The following GPD2 variants were observed in gnomAD, a reference collection of about 807,000 sequenced individuals.
GPD2 encodes glycerol-3-phosphate dehydrogenase, mitochondrial.
Under a neutral mutation model 82.4 loss-of-function variants are expected in GPD2, and 54 were observed. The ratio of observed to expected loss-of-function variants is 0.66; its 90% CI spans 0.53 to 0.82. The LOEUF (loss-of-function observed/expected upper bound fraction) is 0.82, where lower values mean the gene tolerates loss of function less well. Among genes scored for constraint, GPD2 ranks in the 40% least tolerant of loss-of-function variants. The pLI is 0.00. For missense variants in GPD2, 748 were observed against 896.2 expected (o/e 0.83, Z 2.11); for synonymous variants, 288 against 306.1 (o/e 0.94, Z 0.62).
rs1169022778 is a variant in GPD2 at position 156,549,598 on chromosome 2, C to A, written c.662-10C>A. On this transcript the variant is annotated splice_polypyrimidine_tract_variant and intron_variant, in intron 6 of 16. Transcript: ENST00000438166. ...CTCCTCTCCCTCCCCTGATGCTTTC[C>A]CCGCTGCAGGACAACATAACGATGC... is the stretch of plus-strand genomic sequence containing the variant. 4.3e-6 allele frequency: 7 copies of A among 1,613,624 alleles called. No individual in the cohort carries two copies. In the African/African-American group the frequency reaches 8.0e-5, roughly 18 times the overall value.
chr2:156,537,277 T>A (rs1173619176), intron 6 of GPD2, among the ~76,000 whole-genome samples: 1 of 152,204 alleles, frequency 6.6e-6, no homozygotes, highest in African/African-American at 2.4e-5. Context: ...ACCCTGCAGG[T>A]TGAATGCTGT....
chr2:156,407,737 A>G, the GPD2 span, among the ~76,000 whole-genome samples: 70 of 152,142 alleles, frequency 4.6e-4, no homozygotes, highest in African/African-American at 1.7e-3. Flanking sequence ...AATGAATGCC[A>G]TTTTGTTCAT....
intron 1 of GPD2, among the ~76,000 whole-genome samples, chr2:156,437,564 A>T (rs1681985934): frequency 6.6e-6 from 1 of 152,220 alleles, no homozygotes; most frequent in African/African-American, 2.4e-5. Flanking sequence ...ATGTCAAATT[A>T]CAACACTCCC....
chr2:156,525,501 G>A (rs1685573596), intron 6 of GPD2, among the ~76,000 whole-genome samples: 1 of 152,068 alleles, frequency 6.6e-6, no homozygotes, highest in Admixed American at 6.6e-5. Context: ...TTATTTCTAG[G>A]CCTTTCAATA....
chr2:156,465,010 C>T (rs895215325), intron 1 of GPD2, among the ~76,000 whole-genome samples: 1 of 152,098 alleles, frequency 6.6e-6, no homozygotes, highest in African/African-American at 2.4e-5. Flanking sequence ...ATCACAACGC[C>T]TGGCTAATTT....
intron 1 of GPD2, among the ~76,000 whole-genome samples, chr2:156,446,136 G>T (rs1192206520): frequency 6.6e-6 from 1 of 151,970 alleles, no homozygotes; most frequent in Non-Finnish European, 1.5e-5. Context: ...TCGCTCTGTT[G>T]CCCAGGTTGA....
rs139981174 is a variant in GPD2 at position 156,553,241 on chromosome 2, T to C, written c.971+2495T>C. Among the ~76,000 whole-genome samples, 50 of 152,236 alleles carry C rather than the reference T, an allele frequency of 3.3e-4. 1 individual carries two copies. The highest frequency in any genetic ancestry group is 1.1e-3 in the African/African-American group (45 of 41,542). On this transcript the variant is annotated intron_variant, in intron 8 of 16. Transcript: ENST00000438166. ...ATAAGGTTTGACAATGATCCTTGGA[T>C]TATTTTTTCTCTGTTTTATAGAGTG...
At chr2:156,431,751 A>G (rs969804529), upstream of GPD2, among the ~76,000 whole-genome samples, 7 of 152,186 alleles carry the variant, frequency 4.6e-5, no homozygotes, top group Non-Finnish European at 1.0e-4. Context: ...AGAATTGTCA[A>G]AAAAGGCTTT....
intron 3 of GPD2, among the ~76,000 whole-genome samples, chr2:156,499,648 T>A (rs159514): frequency 0.65 from 98,251 of 151,942 alleles, 32,485 homozygotes; most frequent in Middle Eastern, 0.81. Flanking sequence ...TGCAGTGTGT[T>A]TCTTTCAAAT....
chr2:156,405,629 G>A, the GPD2 span, among the ~76,000 whole-genome samples: 1 of 152,090 alleles, frequency 6.6e-6, no homozygotes, highest in African/African-American at 2.4e-5. Flanking sequence ...GTTTCACATC[G>A]GGAATGCTGT....
intron 1 of GPD2, among the ~76,000 whole-genome samples, chr2:156,460,781 G>A (rs1682961827): frequency 6.6e-6 from 1 of 152,218 alleles, no homozygotes; most frequent in African/African-American, 2.4e-5. Flanking sequence ...GTTAGACTGA[G>A]TGAGATGAAC....
chr2:156,582,956 C>A lies in GPD2; in HGVS notation c.*38C>A, dbSNP rs192871271. 4.3e-3 allele frequency: 6,881 copies of A among 1,607,568 alleles called. 20 individuals carry two copies. Among genetic ancestry groups the A allele is most frequent in the Non-Finnish European group, 5.4e-3 (6,339 of 1,174,778 alleles). On this transcript the variant is annotated 3_prime_UTR_variant, in exon 17 of 17. Transcript: ENST00000438166. The stretch of plus-strand genomic sequence containing the variant: ...AATCCACAGCCAACAAACATAGAAA[C>A]GACAAATCACCATGTAACAACCAGA...
chr2:156,420,066 G>A, the GPD2 span, among the ~76,000 whole-genome samples: 1 of 152,170 alleles, frequency 6.6e-6, no homozygotes, highest in Non-Finnish European at 1.5e-5. Context: ...ACTACTTAAT[G>A]AAATATTTGG....
At chr2:156,575,651 CT>C (rs1687794268) in intron 13 of GPD2, among the ~76,000 whole-genome samples, 1 of 152,020 alleles carries the variant, frequency 6.6e-6, no homozygotes, top group Non-Finnish European at 1.5e-5. Flanking sequence ...TGCGATCCAC[CT>C]GCCTCAGCCT....
intron 6 of GPD2, 126 bp downstream of exon 6, chr2:156,513,622 C>A: frequency 1.3e-6 from 1 of 748,800 alleles, no homozygotes; most frequent in Non-Finnish European, 2.3e-6. Flanking sequence ...CACAAACACA[C>A]GTGCACGCAC....
At chr2:156,503,611 A>AT (rs1453552908) in intron 3 of GPD2, among the ~76,000 whole-genome samples, 2 of 152,174 alleles carry the variant, frequency 1.3e-5, no homozygotes, top group African/African-American at 4.8e-5. Context: ...ATGTATAAGT[A>AT]TTTACAGGGA....
intron 1 of GPD2, among the ~76,000 whole-genome samples, chr2:156,452,536 A>AGAGAGG (rs964420729): frequency 2.6e-5 from 4 of 152,206 alleles, no homozygotes; most frequent in Non-Finnish European, 5.9e-5. Context: ...GACCATGGAA[A>AGAGAGG]GAGAGGGAGA....
At chr2:156,513,740 C>G (rs1008018219) in intron 6 of GPD2, among the ~76,000 whole-genome samples, 3 of 152,122 alleles carry the variant, frequency 2.0e-5, no homozygotes, top group Admixed American at 6.6e-5. Flanking sequence ...TACTTTGTGT[C>G]TCATGGTTGG....
intron 6 of GPD2, among the ~76,000 whole-genome samples, chr2:156,528,707 C>T (rs1187242111): frequency 4.0e-5 from 6 of 150,526 alleles, no homozygotes; most frequent in East Asian, 3.9e-4. Context: ...TTTGTTCTTG[C>T]GATAGTTTAC....
Sources: gnomAD v4.1 joint callset for allele counts (sites outside exome capture counted in the v4.1 genomes callset) on GRCh38, gnomAD v4.1.1 for gene constraint, MANE v1.5 for transcripts, NCBI Gene and HGNC (gene_info 2026-07-23, HGNC 2026-07-21) for gene names.